The following IQGAP1 variants were observed in gnomAD, a reference collection of about 807,000 sequenced individuals.
IQGAP1 encodes the protein IQ motif containing GTPase activating protein 1.
A neutral mutation model predicts 215.6 loss-of-function variants in IQGAP1; 66 were observed. The observed-to-expected ratio is 0.31, with a 90% CI of 0.25 to 0.38. The LOEUF is 0.38. Ranked by LOEUF, IQGAP1 falls within the 10% of genes least tolerant of loss-of-function variation. The pLI, the probability that IQGAP1 is intolerant of heterozygous loss-of-function variation, is 1.00. For missense variants in IQGAP1, 1,712 were observed against 1,997.1 expected (o/e 0.86, Z 2.72); for synonymous variants, 772 against 728.7 (o/e 1.06, Z -0.96).
intron 15 of IQGAP1, among the ~76,000 whole-genome samples, chr15:90,462,780 T>A (rs1006039364): frequency 1.3e-5 from 2 of 152,200 alleles, no homozygotes; most frequent in African/African-American, 4.8e-5. Flanking sequence ...TTCTGACTTC[T>A]GGTCCCTATC....
In IQGAP1 at chr15:90,466,284, T is replaced by A; in HGVS notation, c.1883T>A (p.Phe628Tyr). 1 of 1,614,146 alleles carries A rather than the reference T, an allele frequency of 6.2e-7. No homozygotes were observed. The highest frequency in any genetic ancestry group is 1.1e-5 in the South Asian group (1 of 91,076). ...CCCGAAATAGTTGCCTTAGGAATCT[T>A]TGCCATTAATGAGGCAGTAGAAAGT... is the stretch of plus-strand genomic sequence containing the variant. ...QEAQKFALGIFAINEAVESGD... is the reference protein window; with the variant it reads ...QEAQKFALGIYAINEAVESGD... The change falls in exon 17 of 38, where the codon TTT becomes TAT. Residue 628 changes from phenylalanine (F) to tyrosine (Y), a missense_variant. Phe to Tyr is a conservative substitution (Grantham distance 22, BLOSUM62 3). This residue lies in a region of IQGAP1 where 1,021 missense variants were observed against 1,074.2 expected (regional missense o/e 0.95). Transcript: ENST00000268182.
At chr15:90,421,124 G>A (rs1300687660) in intron 2 of IQGAP1, among the ~76,000 whole-genome samples, 1 of 152,118 alleles carries the variant, frequency 6.6e-6, no homozygotes, top group Non-Finnish European at 1.5e-5. Context: ...GCGACAAAGC[G>A]AGACTCCATC....
chr15:90,433,772 T>C lies in IQGAP1; in HGVS notation c.444T>C (p.Cys148=). Residue 148 remains cysteine, a synonymous_variant, in exon 5 of 38, where the codon TGT becomes TGC. Transcript: ENST00000268182. ...ATGATCGAAAGAACATGCCAAGATG[T>C]ATCTACTGTATCCATGCACTCAGGT... The part of the protein sequence containing the change: ...DIYDRKNMPR[C]IYCIHALSLY... The C allele has an allele frequency of 6.2e-7, 1 of 1,605,744 alleles. No individual in the cohort carries two copies. Among genetic ancestry groups the C allele is most frequent in the Non-Finnish European group, 8.5e-7 (1 of 1,174,482 alleles).
intron 15 of IQGAP1, among the ~76,000 whole-genome samples, chr15:90,461,110 C>G (rs1027411256): frequency 2.0e-5 from 3 of 151,726 alleles, no homozygotes; most frequent in African/African-American, 7.3e-5. Context: ...AGTTCGAGAC[C>G]AGCCTGGCCA....
intron 2 of IQGAP1, among the ~76,000 whole-genome samples, chr15:90,422,347 T>C (rs186599585): frequency 1.4e-4 from 21 of 152,244 alleles, no homozygotes; most frequent in Non-Finnish European, 2.2e-4. Context: ...TCTTTTTCAA[T>C]GTTTATATTT....
At chr15:90,436,865 C>A (rs967265306) in intron 5 of IQGAP1, among the ~76,000 whole-genome samples, 3 of 152,204 alleles carry the variant, frequency 2.0e-5, no homozygotes, top group African/African-American at 7.2e-5. Context: ...AGATGGTGCC[C>A]ATGTCTACTT....
chr15:90,433,315 C>T (rs137888988), intron 4 of IQGAP1, among the ~76,000 whole-genome samples: 17 of 152,102 alleles, frequency 1.1e-4, no homozygotes, highest in African/African-American at 2.4e-4. Context: ...TCCATCTAGG[C>T]ATGGTAGATA....
At chr15:90,449,498 C>A in intron 10 of IQGAP1, 61 bp from the exon 11 acceptor site, 1 of 1,353,342 alleles carries the variant, frequency 7.4e-7, no homozygotes, top group Non-Finnish European at 1.0e-6. Flanking sequence ...GAGATGAGAA[C>A]CTTAAGGCCT....
chr15:90,469,564 G>A (rs1965877683), intron 18 of IQGAP1, among the ~76,000 whole-genome samples: 1 of 152,162 alleles, frequency 6.6e-6, no homozygotes, highest in African/African-American at 2.4e-5. Flanking sequence ...ATGTATCAGA[G>A]AGTCTCTACC....
intron 3 of IQGAP1, among the ~76,000 whole-genome samples, chr15:90,429,209 G>A (rs2238320): frequency 0.19 from 28,281 of 152,056 alleles, 2,725 homozygotes; most frequent in South Asian, 0.22. Context: ...ATACTAATTT[G>A]TTCATGTGCA....
At chr15:90,464,203 G>C (rs1407051702) in intron 15 of IQGAP1, among the ~76,000 whole-genome samples, 1 of 152,154 alleles carries the variant, frequency 6.6e-6, no homozygotes, top group Non-Finnish European at 1.5e-5. Context: ...TGTTGGGTCT[G>C]CGTAGATCAC....
At chr15:90,499,262 G>T (rs1384309516) in intron 37 of IQGAP1, among the ~76,000 whole-genome samples, 1 of 152,230 alleles carries the variant, frequency 6.6e-6, no homozygotes, top group Non-Finnish European at 1.5e-5. Flanking sequence ...GTCAGATCTG[G>T]ATTTATCGCC....
chr15:90,448,746 GTCT>G lies in IQGAP1; in HGVS notation c.1077+11_1077+13del. 1 of 1,548,834 alleles carries G rather than the reference GTCT, an allele frequency of 6.5e-7. No individual in the cohort carries two copies. The stretch of plus-strand genomic sequence containing the variant: ...ACAGCAGAAGAGACAGGTAAACATA[GTCT>G]GGATTGAAGCTGCAAGAGTTTGTAT... On this transcript the variant is annotated intron_variant, in intron 10 of 37. Coordinates refer to ENST00000268182, the MANE Select transcript of IQGAP1 (RefSeq NM_003870.4).
chr15:90,491,655 G>GC (rs1966206585), intron 34 of IQGAP1, 110 bp downstream of exon 34: 5 of 822,644 alleles, frequency 6.1e-6, no homozygotes, highest in Non-Finnish European at 9.8e-6. Context: ...GCAAATTAGT[G>GC]CCCTCCTCTA....
At position 90,459,546 on chromosome 15, in the gene IQGAP1, G is replaced by T. The variant is rs893723051; in HGVS notation, c.1776+3231G>T. ...TGAGGATGTGACTATAGAGTTTGAA[G>T]CATTTCCTTTGCTGTGGAATAACTT... On this transcript the variant is annotated intron_variant, in intron 15 of 37. Coordinates refer to ENST00000268182, the MANE Select transcript of IQGAP1 (RefSeq NM_003870.4). Among the ~76,000 whole-genome samples the T allele has an allele frequency of 2.0e-4, 30 of 152,198 alleles. 1 individual carries two copies. The highest frequency in any genetic ancestry group is 1.5e-5 in the Non-Finnish European group (1 of 68,032).
intron 2 of IQGAP1, chr15:90,391,213 G>A (rs915582550): frequency 1.2e-5 from 2 of 169,974 alleles, no homozygotes; most frequent in Non-Finnish European, 2.5e-5. Context: ...GCTCTAGCCT[G>A]GGTGACAAAA....
intron 29 of IQGAP1, 99 bp from the exon 30 acceptor site, chr15:90,484,121 T>G: frequency 1.9e-6 from 2 of 1,028,294 alleles, no homozygotes; most frequent in Non-Finnish European, 1.4e-6. Context: ...TTGACTGGCT[T>G]CTGTTTGCAC....
At chr15:90,497,472 G>A in intron 37 of IQGAP1, 132 bp downstream of exon 37, 1 of 587,266 alleles carries the variant, frequency 1.7e-6, no homozygotes, top group Non-Finnish European at 3.1e-6. Flanking sequence ...CCACACTGCG[G>A]GGAAAGAAGC....
chr15:90,488,407 A>AT (rs147648686), intron 33 of IQGAP1, among the ~76,000 whole-genome samples: 30,553 of 150,556 alleles, frequency 0.2, 4,232 homozygotes, highest in African/African-American at 0.39. Context: ...GTATTGTTGT[A>AT]TTTTTTTTTC....
Sources: allele counts gnomAD v4.1 joint callset (sites outside exome capture counted in the v4.1 genomes callset), GRCh38; gene constraint gnomAD v4.1.1; regional missense constraint gnomAD v4.1.1; transcripts MANE v1.5; gene names NCBI Gene and HGNC (gene_info 2026-07-23, HGNC 2026-07-21).